USP7: variants seen among roughly 807,000 people sequenced by gnomAD.
USP7 encodes the protein ubiquitin specific peptidase 7.
In USP7, 9 loss-of-function variants were observed where a neutral mutation model predicts 162.9. That is an observed-to-expected ratio of 0.06 (90% CI 0.03 to 0.10). The LOEUF (loss-of-function observed/expected upper bound fraction) is 0.10. Ranked by LOEUF, USP7 falls within the 10% of genes least tolerant of loss-of-function variation. The probability of loss-of-function intolerance (pLI) is 1.00; values close to 1 mark genes in which losing one functional copy is unlikely to be tolerated. For synonymous variants in USP7, 562 were observed against 475.9 expected (o/e 1.18, Z -2.35); for missense variants, 715 against 1,373.7 (o/e 0.52, Z 7.58).
intron 7 of USP7, among the ~76,000 whole-genome samples, 172 bp downstream of exon 7, chr16:8,916,854 G>C (rs76147374): frequency 1.3e-5 from 2 of 151,154 alleles, no homozygotes; most frequent in South Asian, 4.2e-4. Context: ...TATTTCCAAA[G>C]AGATAAAACA....
chr16:8,959,520 G>GCC (rs1899928050), intron 1 of USP7, among the ~76,000 whole-genome samples: 1 of 152,216 alleles, frequency 6.6e-6, no homozygotes, highest in Non-Finnish European at 1.5e-5. Flanking sequence ...TCACATCAGA[G>GCC]TGAGATGCTA....
At chr16:8,957,279 A>G (rs758682269) in intron 1 of USP7, among the ~76,000 whole-genome samples, 1 of 152,298 alleles carries the variant, frequency 6.6e-6, no homozygotes. Context: ...CAACTTTCTT[A>G]AGTCCAAATT....
intron 18 of USP7, 121 bp downstream of exon 18, chr16:8,901,961 T>A: frequency 1.2e-6 from 1 of 831,588 alleles, no homozygotes; most frequent in Non-Finnish European, 1.9e-6. Context: ...TGAGCTTTTG[T>A]GGAATTGATC....
At chr16:8,945,283 C>G (rs1467042854) in intron 1 of USP7, among the ~76,000 whole-genome samples, 1 of 152,028 alleles carries the variant, frequency 6.6e-6, no homozygotes, top group East Asian at 1.9e-4. Flanking sequence ...ACTCGGGAGG[C>G]TGAGGCACAA....
At chr16:8,897,724 A>ACATATAT (rs59369679) in intron 25 of USP7, among the ~76,000 whole-genome samples, 1 of 19,444 alleles carries the variant, frequency 5.1e-5, no homozygotes, top group African/African-American at 2.4e-4. Context: ...AAAAAAAAAA[A>ACATATAT]AAATATATAT....
At chr16:8,962,434 G>A (rs1394441786) in intron 1 of USP7, 1 of 439,910 alleles carries the variant, frequency 2.3e-6, no homozygotes, top group African/African-American at 2.0e-5. Flanking sequence ...AAACTACAGT[G>A]CCTTGGAAAA....
intron 1 of USP7, among the ~76,000 whole-genome samples, chr16:8,936,937 A>G (rs1898772040): frequency 6.6e-6 from 1 of 152,216 alleles, no homozygotes; most frequent in South Asian, 2.1e-4. Context: ...CTGGTGATAT[A>G]AATTGTTAAC....
chr16:8,909,915 GTC>G (rs1251223384), intron 11 of USP7, among the ~76,000 whole-genome samples: 1 of 152,000 alleles, frequency 6.6e-6, no homozygotes, highest in African/African-American at 2.4e-5. Flanking sequence ...AACAGACCGA[GTC>G]TCCGTCTCAG....
chr16:8,910,382 A>C (rs1290931609), intron 11 of USP7, among the ~76,000 whole-genome samples: 1 of 152,248 alleles, frequency 6.6e-6, no homozygotes, highest in Non-Finnish European at 1.5e-5. Context: ...TTTAAAAATA[A>C]AGAAACACAA....
rs1007823072 is a variant in USP7, at chr16:8,895,834, G to A, written c.2820-93C>T. ...TTCTAGAAAGAAATAAAGTTACCAC[G>A]ATATGTTTTTTTTTTTTTTTTTGAG... On this transcript the variant is annotated intron_variant, in intron 26 of 30. Coordinates refer to ENST00000344836, the MANE Select transcript of USP7 (RefSeq NM_003470.3). The A allele has an allele frequency of 1.7e-4, 138 of 794,632 alleles. 1 individual carries two copies. The East Asian group carries it at 3.9e-3, about 22-fold the overall frequency. 49.2% of individuals were successfully genotyped at this position (794,632 alleles called of 1,614,324 possible). A position where few individuals can be genotyped will look rare whatever the true frequency, so the allele number is the denominator to read the frequency against.
At chr16:8,955,182 T>C (rs545404670) in intron 1 of USP7, among the ~76,000 whole-genome samples, 22 of 152,382 alleles carry the variant, frequency 1.4e-4, no homozygotes, top group African/African-American at 3.6e-4. Context: ...TTGTTGTATT[T>C]AATAAACTTG....
In USP7 at chr16:8,963,894, G is replaced by C. The variant is rs1204153797; in HGVS notation, c.-609C>G. On this transcript the variant is annotated 5_prime_UTR_variant, in exon 1 of 31. Transcript: ENST00000344836. ...CTCGGCTCGCTCTCAAAATGGCGGC[G>C]GCGTGAAATGTCACATCCGCATGGG... Among the ~76,000 whole-genome samples, 2 of 147,134 alleles carry C rather than the reference G, an allele frequency of 1.4e-5. No homozygotes were observed. Among genetic ancestry groups the C allele is most frequent in the Non-Finnish European group, 3.0e-5 (2 of 65,986 alleles).
At chr16:8,921,710 G>T (rs932127071) in intron 3 of USP7, among the ~76,000 whole-genome samples, 3 of 152,286 alleles carry the variant, frequency 2.0e-5, no homozygotes, top group African/African-American at 7.2e-5. Context: ...CAGCACCGGG[G>T]AGCTCTGTGG....
At chr16:8,929,333 G>A (rs1898190483) in intron 2 of USP7, 5 of 375,102 alleles carry the variant, frequency 1.3e-5, no homozygotes, top group South Asian at 7.9e-5. Context: ...CACTCCACAG[G>A]TAACAAAGCA....
intron 2 of USP7, among the ~76,000 whole-genome samples, chr16:8,928,281 C>T (rs1898124583): frequency 6.6e-6 from 1 of 152,114 alleles, no homozygotes; most frequent in Admixed American, 6.5e-5. Context: ...GAGGTGCTTC[C>T]CAGATTGTGT....
At chr16:8,900,265 A>C (rs911838843) in intron 21 of USP7, 7 of 374,358 alleles carry the variant, frequency 1.9e-5, no homozygotes, top group Non-Finnish European at 2.9e-5. Flanking sequence ...AGGGGAAGGA[A>C]GCAATTGTTC....
chr16:8,924,722 C>A (rs1897894817), intron 2 of USP7, among the ~76,000 whole-genome samples: 1 of 152,248 alleles, frequency 6.6e-6, no homozygotes, highest in African/African-American at 2.4e-5. Context: ...AAGTTTCTGA[C>A]TGAGTTTGGT....
At position 8,923,338 on chromosome 16, in the gene USP7, C is replaced by T; in HGVS notation, c.260G>A (p.Ser87Asn). 6.2e-7 allele frequency: 1 copy of T among 1,614,212 alleles called. No individual in the cohort carries two copies. Among genetic ancestry groups the T allele is most frequent in the Non-Finnish European group, 8.5e-7 (1 of 1,180,054 alleles). ...RFSRLSESVL[S>N]PPCFVRNLPW... is the part of the protein sequence containing the mutation. ...CAGATTTCGCACAAAACACGGAGGG[C>T]TAAGGACCGACTCACTCAGTCTGCT... Residue 87 changes from serine to asparagine, a missense_variant, in exon 3 of 31, where the codon AGC becomes AAC. Transcript: ENST00000344836.
chr16:8,897,718 A>ATATATATATCT (rs1321702981), intron 25 of USP7, among the ~76,000 whole-genome samples: 1 of 43,910 alleles, frequency 2.3e-5, no homozygotes, highest in Non-Finnish European at 4.2e-5. Flanking sequence ...AAAAAAAAAA[A>ATATATATATCT]AAAAAAAAAT....
Sources: gnomAD v4.1 joint callset for allele counts (sites outside exome capture counted in the v4.1 genomes callset) on GRCh38, gnomAD v4.1.1 for gene constraint, MANE v1.5 for transcripts, NCBI Gene and HGNC (gene_info 2026-07-23, HGNC 2026-07-21) for gene names.